OLFM2: variants seen among roughly 807,000 people sequenced by gnomAD.
OLFM2 encodes the protein olfactomedin 2, also known as noelin-2.
In OLFM2, 20 loss-of-function variants were observed where a neutral mutation model predicts 43.9. The ratio of observed to expected loss-of-function variants is 0.46; its 90% confidence interval spans 0.32 to 0.66. OLFM2 has a LOEUF of 0.66. Among genes scored for constraint, OLFM2 ranks in the 30% least tolerant of loss-of-function variants. OLFM2 has a pLI of 0.04. For synonymous variants in OLFM2, 268 were observed against 278.6 expected (o/e 0.96, Z 0.38); for missense variants, 416 against 643.6 (o/e 0.65, Z 3.83).
rs973661313 is a variant in OLFM2 at position 9,916,214 on chromosome 19, G to A, written c.63+20090C>T. Among the ~76,000 whole-genome samples the A allele has an allele frequency of 9.2e-5, 14 of 152,154 alleles. No individual in the cohort carries two copies. In the East Asian group the frequency reaches 1.9e-3, roughly 21 times the overall value. ...TCTACTAAAAATACAAAAGTTAGCC[G>A]GGTATGGTGGTGCACGCCTGTAATC... On this transcript the variant is annotated intron_variant, in intron 1 of 5. Coordinates refer to ENST00000264833, the MANE Select transcript of OLFM2 (RefSeq NM_058164.4).
chr19:9,902,238 CA>C (rs1422168884), intron 1 of OLFM2, among the ~76,000 whole-genome samples: 1 of 151,468 alleles, frequency 6.6e-6, no homozygotes, highest in Non-Finnish European at 1.5e-5. Context: ...CCGTGTTAAC[CA>C]GGAGGGTCTC....
At chr19:9,934,214 G>C (rs920192603) in intron 1 of OLFM2, among the ~76,000 whole-genome samples, 1 of 152,180 alleles carries the variant, frequency 6.6e-6, no homozygotes, top group Non-Finnish European at 1.5e-5. Flanking sequence ...CCAACGCCAA[G>C]GGGGTGTATG....
At chr19:9,867,494 G>C (rs145687817) in intron 1 of OLFM2, among the ~76,000 whole-genome samples, 1 of 152,334 alleles carries the variant, frequency 6.6e-6, no homozygotes, top group East Asian at 1.9e-4. Context: ...CCAACAGGAA[G>C]AGAGCAAGCG....
chr19:9,874,792 T>G (rs2046471539), intron 1 of OLFM2, among the ~76,000 whole-genome samples: 1 of 152,178 alleles, frequency 6.6e-6, no homozygotes, highest in African/African-American at 2.4e-5. Context: ...TTTATTTTAT[T>G]TTTTAGAGAC....
intron 1 of OLFM2, among the ~76,000 whole-genome samples, chr19:9,933,552 CTTTTT>C (rs34411076): frequency 2.5e-5 from 2 of 79,004 alleles, no homozygotes; most frequent in Non-Finnish European, 4.5e-5. Flanking sequence ...TCACTCTAAT[CTTTTT>C]TTTTTTTTTT....
chr19:9,865,779 A>G (rs1599468581), intron 1 of OLFM2, among the ~76,000 whole-genome samples: 1 of 148,834 alleles, frequency 6.7e-6, no homozygotes, highest in South Asian at 2.1e-4. Context: ...GGCATGAGCC[A>G]CCGTGCCCGG....
chr19:9,926,281 G>A (rs1346815161), intron 1 of OLFM2, among the ~76,000 whole-genome samples: 1 of 152,168 alleles, frequency 6.6e-6, no homozygotes, highest in Non-Finnish European at 1.5e-5. Flanking sequence ...GGCCAGGCAT[G>A]GTGGCTCACG....
At chr19:9,918,888 G>A (rs943897921) in intron 1 of OLFM2, among the ~76,000 whole-genome samples, 9 of 152,166 alleles carry the variant, frequency 5.9e-5, no homozygotes, top group African/African-American at 1.9e-4. Context: ...GAATGCAAAT[G>A]GGCACGGGGG....
intron 1 of OLFM2, among the ~76,000 whole-genome samples, chr19:9,887,941 G>T (rs1045403026): frequency 1.3e-5 from 2 of 152,134 alleles, no homozygotes; most frequent in South Asian, 4.1e-4. Context: ...GCTGAAGTGG[G>T]AGGATCGCTT....
rs1568388909 is a variant in OLFM2 at position 9,927,152 on chromosome 19, C to CAGGCGTGGTA, written c.63+9151_63+9152insTACCACGCCT. Among the ~76,000 whole-genome samples, 51 of 151,950 alleles carry CAGGCGTGGTA rather than the reference C, an allele frequency of 3.4e-4. 1 individual carries two copies. The East Asian group carries it at 7.8e-3, about 23-fold the overall frequency. ...CAAAAATTAGCCAGGCGTGGTAGCA[C>CAGGCGTGGTA]GCGCCTGTTAACCCAGTTCCTTGGG... On this transcript the variant is annotated intron_variant, in intron 1 of 5. Coordinates refer to ENST00000264833, the MANE Select transcript of OLFM2 (RefSeq NM_058164.4).
At chr19:9,871,139 C>T (rs1050609886) in intron 1 of OLFM2, among the ~76,000 whole-genome samples, 5 of 151,682 alleles carry the variant, frequency 3.3e-5, no homozygotes, top group African/African-American at 9.7e-5. Flanking sequence ...GGCATGGTGG[C>T]GAGAGCCTGT....
intron 1 of OLFM2, among the ~76,000 whole-genome samples, chr19:9,864,988 C>T (rs1051049828): frequency 6.6e-6 from 1 of 151,782 alleles, no homozygotes; most frequent in African/African-American, 2.4e-5. Context: ...TTCACTGCTC[C>T]CCCACTGGTT....
intron 1 of OLFM2, among the ~76,000 whole-genome samples, chr19:9,886,633 TG>T (rs1459464970): frequency 6.6e-6 from 1 of 152,344 alleles, no homozygotes; most frequent in East Asian, 1.9e-4. Context: ...TCCTCGATTC[TG>T]CCCAGTCTGC....
At chr19:9,925,574 A>G (rs1285429871) in intron 1 of OLFM2, among the ~76,000 whole-genome samples, 8 of 151,634 alleles carry the variant, frequency 5.3e-5, no homozygotes, top group African/African-American at 1.9e-4. Flanking sequence ...TCAGCCTCCC[A>G]AGTAGCTGGG....
intron 1 of OLFM2, among the ~76,000 whole-genome samples, chr19:9,889,087 C>A (rs1568376701): frequency 6.6e-6 from 1 of 150,968 alleles, no homozygotes; most frequent in Non-Finnish European, 1.5e-5. Flanking sequence ...AACAATTCTG[C>A]ACAACAACCA....
intron 2 of OLFM2, among the ~76,000 whole-genome samples, chr19:9,859,871 G>A (rs1000022610): frequency 1.3e-5 from 2 of 152,218 alleles, no homozygotes; most frequent in Non-Finnish European, 2.9e-5. Flanking sequence ...GCAGGGCGCA[G>A]TGGCTCACGC....
Position 9,856,693 on chromosome 19 carries a change from A to G in OLFM2, c.687+114T>C. ...GAGGTCCAATGGCCCTGGGGGATCC[A>G]GGACACTTTGGGCTACAAGACAGTC... On this transcript the variant is annotated intron_variant, in intron 5 of 5. Transcript: ENST00000264833. This position sits in a 1 kb window ranked among gnomAD's most constrained non-coding sequence, Gnocchi z 4.0. 1 of 832,430 alleles carries G rather than the reference A, an allele frequency of 1.2e-6. No individual in the cohort carries two copies. The highest frequency in any genetic ancestry group is 1.9e-6 in the Non-Finnish European group (1 of 513,944). The allele number at this position is 832,430 out of a possible 1,614,324, so 51.6% of individuals were successfully genotyped here.
intron 1 of OLFM2, among the ~76,000 whole-genome samples, chr19:9,862,169 C>T (rs1014302122): frequency 6.6e-6 from 1 of 152,102 alleles, no homozygotes; most frequent in Non-Finnish European, 1.5e-5. Flanking sequence ...GGACATCAAC[C>T]ACTTAATGCC....
At chr19:9,922,478 T>C (rs1040508282) in intron 1 of OLFM2, among the ~76,000 whole-genome samples, 1 of 151,992 alleles carries the variant, frequency 6.6e-6, no homozygotes, top group African/African-American at 2.4e-5. Context: ...CCCAGCACTT[T>C]AGGAAGCTAA....
Sources: allele counts gnomAD v4.1 joint callset (sites outside exome capture counted in the v4.1 genomes callset), GRCh38; gene constraint gnomAD v4.1.1; non-coding constraint Gnocchi (gnomAD v3.1); transcripts MANE v1.5; gene names NCBI Gene and HGNC (gene_info 2026-07-23, HGNC 2026-07-21).